The following CDH2 variants were observed in gnomAD, a reference collection of about 807,000 sequenced individuals.
CDH2 encodes the protein cadherin 2, also known as cadherin-2.
CDH2 carries 17 observed loss-of-function variants against 92.0 expected under a neutral mutation model. That is an observed-to-expected ratio of 0.18 (90% CI 0.13 to 0.28). CDH2 has a LOEUF of 0.28. CDH2 is among the 10% of genes least tolerant of loss of function. The probability of loss-of-function intolerance (pLI) is 1.00; values close to 1 mark genes in which losing one functional copy is unlikely to be tolerated. For synonymous variants in CDH2, 419 were observed against 415.9 expected (o/e 1.01, Z -0.09); for missense variants, 862 against 1,133.1 (o/e 0.76, Z 3.44).
intron 14 of CDH2, among the ~76,000 whole-genome samples, chr18:27,966,066 T>A (rs1389068716): frequency 6.6e-6 from 1 of 151,566 alleles, no homozygotes; most frequent in Non-Finnish European, 1.5e-5. Flanking sequence ...ATAAAATATG[T>A]TTTTTCCAGG....
intron 1 of CDH2, among the ~76,000 whole-genome samples, chr18:28,164,585 AG>A (rs1231452886): frequency 1.3e-5 from 2 of 152,084 alleles, no homozygotes; most frequent in African/African-American, 4.8e-5. Flanking sequence ...TCTCCTCTAC[AG>A]GGTTGTCATC....
chr18:28,041,895 A>G (rs894802056), intron 2 of CDH2, among the ~76,000 whole-genome samples: 14 of 152,242 alleles, frequency 9.2e-5, no homozygotes, highest in Non-Finnish European at 1.9e-4. Flanking sequence ...TTTTACCCTG[A>G]TTTCATTTAA....
chr18:27,971,110 C>T (rs963324391), intron 14 of CDH2, among the ~76,000 whole-genome samples: 2 of 152,118 alleles, frequency 1.3e-5, no homozygotes, highest in Non-Finnish European at 1.5e-5. Flanking sequence ...GTGGCACACG[C>T]CTGTAATCCC....
At chr18:27,938,762 T>G (rs942194390) in intron 6 of CDH2, among the ~76,000 whole-genome samples, 59 of 152,204 alleles carry the variant, frequency 3.9e-4, no homozygotes, top group African/African-American at 1.4e-3. Context: ...CACAGTGTTA[T>G]AGCATCGCTT....
chr18:28,021,377 G>GA (rs1167891134), intron 2 of CDH2, among the ~76,000 whole-genome samples: 1 of 151,766 alleles, frequency 6.6e-6, no homozygotes, highest in African/African-American at 2.4e-5. Flanking sequence ...TGGGAAAAAA[G>GA]AAAATACGCT....
chr18:28,091,443 A>G (rs957158095), intron 2 of CDH2, among the ~76,000 whole-genome samples: 5 of 152,110 alleles, frequency 3.3e-5, no homozygotes, highest in Non-Finnish European at 5.9e-5. Context: ...ATATTTCACA[A>G]TTCTCTCTGT....
At chr18:27,981,084 C>G (rs748929458) in intron 14 of CDH2, among the ~76,000 whole-genome samples, 4 of 152,106 alleles carry the variant, frequency 2.6e-5, no homozygotes, top group African/African-American at 9.7e-5. Context: ...AGTCCCTATA[C>G]GAGAATTTTC....
At chr18:28,020,849 G>T (rs1455288307) in intron 2 of CDH2, among the ~76,000 whole-genome samples, 2 of 151,944 alleles carry the variant, frequency 1.3e-5, no homozygotes, top group African/African-American at 4.8e-5. Flanking sequence ...TTTGTCAATT[G>T]TAACAAATAT....
At chr18:28,169,264 G>A (rs979412571) in intron 1 of CDH2, among the ~76,000 whole-genome samples, 82 of 152,180 alleles carry the variant, frequency 5.4e-4, no homozygotes, top group African/African-American at 1.9e-3. Context: ...AATAAATTGA[G>A]GAATGTCTTA....
At chr18:27,940,197 A>G (rs1465784159) in intron 6 of CDH2, among the ~76,000 whole-genome samples, 2 of 152,214 alleles carry the variant, frequency 1.3e-5, no homozygotes, top group Non-Finnish European at 2.9e-5. Context: ...TTTGGAGCCC[A>G]TCCTGGGACA....
chr18:27,939,876 C>A (rs1909096779), intron 6 of CDH2, among the ~76,000 whole-genome samples: 1 of 152,110 alleles, frequency 6.6e-6, no homozygotes, highest in Non-Finnish European at 1.5e-5. Context: ...AGTTGTCAGC[C>A]CTCTTCTAGG....
intron 15 of CDH2, 73 bp downstream of exon 15, chr18:27,963,284 T>C (rs1165595514): frequency 7.9e-6 from 11 of 1,397,270 alleles, no homozygotes; most frequent in African/African-American, 1.4e-5. Context: ...TCCAAGCAAT[T>C]TGTGGCCTAC....
chr18:28,142,986 T>C (rs868105199), intron 2 of CDH2, among the ~76,000 whole-genome samples: 2 of 152,064 alleles, frequency 1.3e-5, no homozygotes, highest in Non-Finnish European at 1.5e-5. Context: ...TTCTGTTATC[T>C]TAAGATACCA....
At chr18:28,127,692 A>G (rs1446802962) in intron 2 of CDH2, among the ~76,000 whole-genome samples, 1 of 152,228 alleles carries the variant, frequency 6.6e-6, no homozygotes, top group African/African-American at 2.4e-5. Context: ...AACAGAGTTT[A>G]TTACAGCTAG....
chr18:28,166,312 C>G (rs543001175), intron 1 of CDH2, among the ~76,000 whole-genome samples: 1 of 151,574 alleles, frequency 6.6e-6, no homozygotes, highest in African/African-American at 2.4e-5. Flanking sequence ...AAATGTTATA[C>G]GCAATCTGCA....
chr18:27,940,881 T>G (rs1463043461), intron 6 of CDH2, among the ~76,000 whole-genome samples: 1 of 152,118 alleles, frequency 6.6e-6, no homozygotes, highest in East Asian at 1.9e-4. Flanking sequence ...CAAGCAAACA[T>G]ATCCTGGAAC....
In CDH2 at chr18:28,003,682, A is replaced by G. The variant is rs76859708; in HGVS notation, c.848-513T>C. Among the ~76,000 whole-genome samples, 779 of 152,342 alleles carry G rather than the reference A, an allele frequency of 5.1e-3. 3 individuals are homozygous for G. The highest frequency in any genetic ancestry group is 8.0e-3 in the Non-Finnish European group (545 of 68,032). On this transcript the variant is annotated intron_variant, in intron 6 of 15. Transcript: ENST00000269141. Reference sequence around the variant, plus strand: ...ACTCCATTTCCTCAGGTCATAAGGAACCATTTCATGCACTGCTGTTTTGGT... The same window carrying G: ...ACTCCATTTCCTCAGGTCATAAGGAGCCATTTCATGCACTGCTGTTTTGGT...
At chr18:28,043,890 A>AAT (rs2014013411) in intron 2 of CDH2, among the ~76,000 whole-genome samples, 1 of 91,454 alleles carries the variant, frequency 1.1e-5, no homozygotes, top group Non-Finnish European at 2.2e-5. Flanking sequence ...AGAATCTCGG[A>AAT]TTTTTTTTTT....
At chr18:28,122,964 A>C (rs2015616897) in intron 2 of CDH2, among the ~76,000 whole-genome samples, 1 of 152,124 alleles carries the variant, frequency 6.6e-6, no homozygotes, top group African/African-American at 2.4e-5. Context: ...TCTCGAGACA[A>C]TTTTAGATCA....
Sources: allele counts gnomAD v4.1 joint callset (sites outside exome capture counted in the v4.1 genomes callset), GRCh38; gene constraint gnomAD v4.1.1; transcripts MANE v1.5; gene names NCBI Gene and HGNC (gene_info 2026-07-23, HGNC 2026-07-21).